The following TTC21B variants were observed in gnomAD, a reference collection of about 807,000 sequenced individuals.
TTC21B encodes the protein tetratricopeptide repeat domain 21B.
A neutral mutation model predicts 175.1 loss-of-function variants in TTC21B; 127 were observed. That is an observed-to-expected ratio of 0.73 (90% CI 0.63 to 0.84). The LOEUF is 0.84. Among genes scored for constraint, TTC21B ranks in the 40% least tolerant of loss-of-function variants. TTC21B has a pLI of 0.00. For missense variants in TTC21B, 1,561 were observed against 1,558.3 expected, an observed-to-expected ratio of 1.00 and a Z score of -0.03; for synonymous variants, 524 against 524.5, an observed-to-expected ratio of 1.00 and a Z score of 0.01.
At chr2:165,887,038 A>G (rs1685020172) in intron 25 of TTC21B, among the ~76,000 whole-genome samples, 1 of 152,154 alleles carries the variant, frequency 6.6e-6, no homozygotes, top group Non-Finnish European at 1.5e-5. Context: ...TTCCAAGCGC[A>G]ATAATAAAGC....
rs373074238 is a variant in TTC21B, at chr2:165,943,335, C to A, written c.436G>T (p.Val146Phe). The A allele has an allele frequency of 6.2e-7, 1 of 1,605,342 alleles. No homozygotes were observed. The highest frequency in any genetic ancestry group is 8.5e-7 in the Non-Finnish European group (1 of 1,172,818). Residue 146 changes from valine to phenylalanine, a missense_variant, in exon 5 of 29, where the codon GTT (valine) becomes TTT (phenylalanine). By Grantham distance (50) the Val-to-Phe change is conservative. Coordinates refer to ENST00000243344, the MANE Select transcript of TTC21B (RefSeq NM_024753.5). ...KISDGSKQGH[V>F]LKAWLDITRG... ...GTAATATCAAGCCATGCTTTCAAAA[C>A]GTGTCCCTGTAAAATGAATAATTCT...
intron 1 of TTC21B, among the ~76,000 whole-genome samples, chr2:165,952,072 G>C (rs536258822): frequency 1.3e-5 from 2 of 152,220 alleles, no homozygotes; most frequent in South Asian, 2.1e-4. Flanking sequence ...CAACAACACA[G>C]ATAACAAGTC....
chr2:165,930,405 C>A, intron 8 of TTC21B, 41 bp from the exon 9 acceptor site: 4 of 1,427,158 alleles, frequency 2.8e-6, no homozygotes, highest in Non-Finnish European at 3.9e-6. Context: ...CAAAGTCTAA[C>A]ATTTCTACTG....
chr2:165,934,313 G>T (rs1260752521), intron 6 of TTC21B, among the ~76,000 whole-genome samples: 1 of 151,540 alleles, frequency 6.6e-6, no homozygotes, highest in East Asian at 1.9e-4. Flanking sequence ...TGTTATAAGA[G>T]AAACACGGAG....
intron 3 of TTC21B, chr2:165,947,193 T>TATA (rs61351063): frequency 4.5e-5 from 6 of 134,746 alleles, no homozygotes; most frequent in East Asian, 2.4e-4. Flanking sequence ...TATATATATA[T>TATA]TAGTATCTGC....
At chr2:165,920,872 C>A (rs533530104) in intron 12 of TTC21B, among the ~76,000 whole-genome samples, 1 of 138,992 alleles carries the variant, frequency 7.2e-6, no homozygotes, top group East Asian at 2.2e-4. Context: ...AGATCAACAC[C>A]AACATCACAT....
chr2:165,941,672 CT>C (rs1687374215), intron 5 of TTC21B, among the ~76,000 whole-genome samples: 1 of 151,922 alleles, frequency 6.6e-6, no homozygotes, highest in African/African-American at 2.4e-5. Context: ...TATGAATTAT[CT>C]GAAGGAAATA....
At chr2:165,940,064 A>T (rs891661479) in intron 6 of TTC21B, among the ~76,000 whole-genome samples, 1 of 152,122 alleles carries the variant, frequency 6.6e-6, no homozygotes, top group Non-Finnish European at 1.5e-5. Flanking sequence ...CATTATCATC[A>T]TTGTTGTTGT....
intron 6 of TTC21B, among the ~76,000 whole-genome samples, chr2:165,937,771 CCACACACACACACACACACACACACACA>C (rs4001021): frequency 0.016 from 2,102 of 127,634 alleles, 66 homozygotes; most frequent in African/African-American, 0.06. Flanking sequence ...TATATAGAAA[CCACACACACACACACACACACACACACA>C]CACACACACA....
At chr2:165,932,643 A>T (rs1336327049) in intron 7 of TTC21B, among the ~76,000 whole-genome samples, 1 of 152,096 alleles carries the variant, frequency 6.6e-6, no homozygotes, top group African/African-American at 2.4e-5. Flanking sequence ...CATATCTAGT[A>T]TCACTAGTTA....
Position 165,924,572 on chromosome 2 carries a change from A to T in TTC21B, c.1493T>A (p.Ile498Lys). 1.2e-6 allele frequency: 2 copies of T among 1,613,646 alleles called. No individual in the cohort carries two copies. The highest frequency in any genetic ancestry group is 8.5e-7 in the Non-Finnish European group (1 of 1,179,742). The stretch of plus-strand genomic sequence containing the variant: ...ACCTGACAAATATTTCACTTTTGCT[A>T]TTAGGAAGACTGTTTGCAGAAGACC... ...VPGLLQTVFL[I>K]AKVKYLSGDI... The change falls in exon 12 of 29, where the codon ATA becomes AAA. Residue 498 changes from isoleucine to lysine, a missense_variant. Physicochemically the swap from Ile to Lys is moderately radical, Grantham distance 102. Transcript: ENST00000243344.
chr2:165,949,679 A>C lies in TTC21B; in HGVS notation c.67T>G (p.Leu23Val). The stretch of plus-strand genomic sequence containing the variant: ...TTAATTCCTTCACTGGCAACCAGTA[A>C]TACATGATGGAAATATCTCTCTTGA... ...YCQERYFHHV[L>V]LVASEGIKRY... Residue 23 changes from leucine to valine, a missense_variant, in exon 2 of 29, where the codon TTA (leucine) becomes GTA (valine). Coordinates refer to ENST00000243344, the MANE Select transcript of TTC21B (RefSeq NM_024753.5). 1 of 1,612,816 alleles carries C rather than the reference A, an allele frequency of 6.2e-7. No individual in the cohort carries two copies. The highest frequency in any genetic ancestry group is 8.5e-7 in the Non-Finnish European group (1 of 1,179,246).
rs373871608 is a variant in TTC21B, at chr2:165,915,096, C to T, written c.2138+105G>A. The T allele has an allele frequency of 1.4e-5, 13 of 934,012 alleles. No homozygotes were observed. The East Asian group carries it at 1.9e-4, about 14-fold the overall frequency. 57.9% of individuals were successfully genotyped at this position (934,012 alleles called of 1,614,324 possible). A position where few individuals can be genotyped will look rare whatever the true frequency, so the allele number is the denominator to read the frequency against. On this transcript the variant is annotated intron_variant, in intron 15 of 28. Coordinates refer to ENST00000243344, the MANE Select transcript of TTC21B (RefSeq NM_024753.5). The stretch of plus-strand genomic sequence containing the variant: ...ATCAGGACCACATTCAGAAAACGAT[C>T]TGTAAAGTATTTGTGAAGCAGTTGA...
intron 25 of TTC21B, among the ~76,000 whole-genome samples, chr2:165,885,831 T>G (rs1007459211): frequency 6.6e-6 from 1 of 152,220 alleles, no homozygotes; most frequent in Admixed American, 6.5e-5. Flanking sequence ...GGTGCAGACA[T>G]CCTAAGACCT....
At position 165,899,812 on chromosome 2, in the gene TTC21B, A is replaced by G; in HGVS notation, c.2826T>C (p.Ala942=). The G allele has an allele frequency of 6.2e-7, 1 of 1,614,048 alleles. No individual in the cohort carries two copies. The highest frequency in any genetic ancestry group is 1.3e-5 in the African/African-American group (1 of 75,056). ...TATCCTGGTCACTCTGAAGCAGTAG[A>G]GCACACTGCCGCAGGCAGGAATCAG... is the stretch of plus-strand genomic sequence containing the variant. The part of the protein sequence containing the change: ...DDPDSCLRQC[A]LLLQSDQDNE... The change falls in exon 21 of 29, where the codon GCT becomes GCC. Residue 942 remains alanine (A), a synonymous_variant. Coordinates refer to ENST00000243344, the MANE Select transcript of TTC21B (RefSeq NM_024753.5).
intron 25 of TTC21B, among the ~76,000 whole-genome samples, chr2:165,888,039 T>C (rs1198270212): frequency 1.3e-5 from 2 of 152,198 alleles, no homozygotes; most frequent in Non-Finnish European, 2.9e-5. Flanking sequence ...TTTTGAAGAA[T>C]TCAGTTTCTG....
intron 6 of TTC21B, among the ~76,000 whole-genome samples, chr2:165,936,194 A>G (rs1347474347): frequency 6.6e-6 from 1 of 152,158 alleles, no homozygotes; most frequent in African/African-American, 2.4e-5. Flanking sequence ...CAAAAGAGCA[A>G]GGACAATGCA....
chr2:165,917,572 G>C (rs1240750106), intron 13 of TTC21B, 91 bp from the exon 14 acceptor site: 3 of 1,030,600 alleles, frequency 2.9e-6, no homozygotes, highest in Non-Finnish European at 4.4e-6. Flanking sequence ...TGAGATCACT[G>C]AGAACAGTCC....
chr2:165,890,549 C>G lies in TTC21B; in HGVS notation c.3193G>C (p.Glu1065Gln), dbSNP rs752792490. The G allele has an allele frequency of 1.2e-6, 2 of 1,613,616 alleles. No individual in the cohort carries two copies. The highest frequency in any genetic ancestry group is 1.7e-6 in the Non-Finnish European group (2 of 1,179,714). ...TCATTATCTGGATTCAAACAGATCT[C>G]TATCATATTATAAAGGGCATTTTGG... ...WGQNALYNMIEICLNPDNETV... is the reference protein window; with the variant it reads ...WGQNALYNMIQICLNPDNETV... The change falls in exon 24 of 29, where the codon GAG becomes CAG. Residue 1065 changes from glutamate to glutamine, a missense_variant. Coordinates refer to ENST00000243344, the MANE Select transcript of TTC21B (RefSeq NM_024753.5).
Sources: allele counts gnomAD v4.1 joint callset (sites outside exome capture counted in the v4.1 genomes callset), GRCh38; gene constraint gnomAD v4.1.1; transcripts MANE v1.5; gene names NCBI Gene and HGNC (gene_info 2026-07-23, HGNC 2026-07-21).